The following FGF5 variants were observed in gnomAD, a reference collection of about 807,000 sequenced individuals.
The protein encoded by FGF5 is fibroblast growth factor 5, also known as heparin-binding growth factor 5.
A neutral mutation model predicts 21.8 loss-of-function variants in FGF5; 23 were observed. The ratio of observed to expected loss-of-function variants is 1.05; its 90% confidence interval spans 0.76 to 1.49. The LOEUF (loss-of-function observed/expected upper bound fraction) is 1.49. FGF5 is among the 40% of genes most tolerant of loss of function. The pLI is 0.00. For missense variants in FGF5, 352 were observed against 332.9 expected (o/e 1.06, Z -0.45); for synonymous variants, 158 against 124.0 (o/e 1.27, Z -1.82).
At chr4:80,280,626 T>C (rs1418599683) in intron 2 of FGF5, among the ~76,000 whole-genome samples, 1 of 152,194 alleles carries the variant, frequency 6.6e-6, no homozygotes, top group African/African-American at 2.4e-5. Flanking sequence ...TTTACTTCTC[T>C]GGCTGAAAAA....
At chr4:80,269,873 A>G (rs1265601408) in intron 1 of FGF5, among the ~76,000 whole-genome samples, 2 of 152,146 alleles carry the variant, frequency 1.3e-5, no homozygotes, top group Non-Finnish European at 2.9e-5. Flanking sequence ...AGTGTCTAAT[A>G]CTACTTCATA....
chr4:80,268,418 G>T (rs1006002903), intron 1 of FGF5: 11 of 906,488 alleles, frequency 1.2e-5, no homozygotes, highest in Non-Finnish European at 1.5e-5. Flanking sequence ...GTTGCTCCTA[G>T]ATGTTCCTAA....
At chr4:80,268,146 CTA>C (rs1720151913) in intron 1 of FGF5, 1 of 152,268 alleles carries the variant, frequency 6.6e-6, no homozygotes, top group Admixed American at 6.5e-5. Context: ...TCCACCCCAT[CTA>C]TGTTTCCAGA....
At chr4:80,281,466 T>C (rs1357076605) in intron 2 of FGF5, among the ~76,000 whole-genome samples, 1 of 152,182 alleles carries the variant, frequency 6.6e-6, no homozygotes, top group Non-Finnish European at 1.5e-5. Flanking sequence ...TTTTTTTCCC[T>C]TAACTTTATA....
At chr4:80,278,625 G>C (rs1478637456) in intron 2 of FGF5, among the ~76,000 whole-genome samples, 1 of 152,190 alleles carries the variant, frequency 6.6e-6, no homozygotes, top group Non-Finnish European at 1.5e-5. Context: ...GGCCAGAGCA[G>C]ATTCAGGCAG....
intron 1 of FGF5, among the ~76,000 whole-genome samples, chr4:80,274,564 A>G (rs886322830): frequency 1.3e-5 from 2 of 152,116 alleles, no homozygotes; most frequent in Non-Finnish European, 2.9e-5. Flanking sequence ...GAAACAATGG[A>G]GGAGAATTAT....
In FGF5 at chr4:80,289,609, T is replaced by C. The variant is rs1720841074; in HGVS notation, c.*2937T>C. On this transcript the variant is annotated 3_prime_UTR_variant, in exon 3 of 3. Transcript: ENST00000312465. ...TTATCAATTATATTATGTTTAATTA[T>C]TTAAGATTTCTTTATGTGGAACATC... 6.6e-6 allele frequency: 1 copy of C among 152,108 alleles called. No homozygotes were observed. Among genetic ancestry groups the C allele is most frequent in the Admixed American group, 6.6e-5 (1 of 15,262 alleles). 9.4% of individuals were successfully genotyped at this position (152,108 alleles called of 1,614,324 possible).
intron 1 of FGF5, among the ~76,000 whole-genome samples, chr4:80,267,581 T>C (rs1294371625): frequency 6.6e-6 from 1 of 152,182 alleles, no homozygotes; most frequent in Non-Finnish European, 1.5e-5. Context: ...AGGCAGCCCT[T>C]CTCCCTATCC....
intron 2 of FGF5, among the ~76,000 whole-genome samples, chr4:80,278,217 T>C (rs72658365): frequency 0.056 from 8,481 of 152,268 alleles, 327 homozygotes; most frequent in Non-Finnish European, 0.083. Flanking sequence ...GTATTACATA[T>C]ACAAATGAAT....
rs1437136012 is a variant in FGF5 at position 80,286,698 on chromosome 4, C to A, written c.*26C>A. The A allele has an allele frequency of 6.3e-7, 1 of 1,576,410 alleles. No homozygotes were observed. Among genetic ancestry groups the A allele is most frequent in the Non-Finnish European group, 8.7e-7 (1 of 1,149,554 alleles). ...TATTCCTCTTGGCCTTGTGAGAAAC[C>A]ATTCTTTCCCCTCAGGAGTTTCTAT... is the stretch of plus-strand genomic sequence containing the variant. On this transcript the variant is annotated 3_prime_UTR_variant, in exon 3 of 3. Transcript: ENST00000312465.
At chr4:80,273,241 T>A (rs758685390) in intron 1 of FGF5, among the ~76,000 whole-genome samples, 1 of 152,072 alleles carries the variant, frequency 6.6e-6, no homozygotes, top group Non-Finnish European at 1.5e-5. Context: ...GTTTTTCAAT[T>A]TAAAGAAACA....
At position 80,290,698 on chromosome 4, in the gene FGF5, C is replaced by G. The variant is rs1157055152; in HGVS notation, c.*4026C>G. 1 of 152,118 alleles carries G rather than the reference C, an allele frequency of 6.6e-6. No homozygotes were observed. The highest frequency in any genetic ancestry group is 1.9e-4 in the East Asian group (1 of 5,202). The allele number at this position is 152,118 out of a possible 1,614,324, so 9.4% of individuals were successfully genotyped here. A position where few individuals can be genotyped will look rare whatever the true frequency, so the allele number is the denominator to read the frequency against. ...TGCTATCCCTCCCCTCTCCACCCACCCCACAGCAGGCCCCGGTATGTGATG... is the reference window on the plus strand; with the variant it reads ...TGCTATCCCTCCCCTCTCCACCCACGCCACAGCAGGCCCCGGTATGTGATG... On this transcript the variant is annotated 3_prime_UTR_variant, in exon 3 of 3. Coordinates refer to ENST00000312465, the MANE Select transcript of FGF5 (RefSeq NM_004464.4).
chr4:80,290,046 A>T lies in FGF5; in HGVS notation c.*3374A>T, dbSNP rs1272882208. On this transcript the variant is annotated 3_prime_UTR_variant, in exon 3 of 3. Coordinates refer to ENST00000312465, the MANE Select transcript of FGF5 (RefSeq NM_004464.4). ...TTCCATAGAAGGGAGGGAATAAATC[A>T]TGACTTATCCCATTTTCAATAACAA... is the stretch of plus-strand genomic sequence containing the variant. 6.6e-6 allele frequency: 1 copy of T among 152,166 alleles called. No individual in the cohort carries two copies. The highest frequency in any genetic ancestry group is 1.5e-5 in the Non-Finnish European group (1 of 68,018). 9.4% of individuals were successfully genotyped at this position (152,166 alleles called of 1,614,324 possible).
intron 2 of FGF5, among the ~76,000 whole-genome samples, chr4:80,277,634 C>T (rs979295848): frequency 3.3e-5 from 5 of 151,964 alleles, no homozygotes; most frequent in East Asian, 1.9e-4. Flanking sequence ...TTGATTTTTA[C>T]GACTTTACAT....
At chr4:80,279,712 T>C (rs1255455341) in intron 2 of FGF5, among the ~76,000 whole-genome samples, 1 of 152,244 alleles carries the variant, frequency 6.6e-6, no homozygotes, top group Non-Finnish European at 1.5e-5. Context: ...GTGGTTATCA[T>C]GTATTCTTCA....
At position 80,283,545 on chromosome 4, in the gene FGF5, C is replaced by T. The variant is rs34679843; in HGVS notation, c.460-2780C>T. Among the ~76,000 whole-genome samples, 884 of 152,208 alleles carry T rather than the reference C, an allele frequency of 5.8e-3. 9 individuals carry two copies. Among genetic ancestry groups the T allele is most frequent in the African/African-American group, 0.019 (796 of 41,532 alleles). ...GTGTGTGTCTGCACATGCACCTGTG[C>T]ATGAGTGTGTGTGTGCCTGTCATCT... On this transcript the variant is annotated intron_variant, in intron 2 of 2. Coordinates refer to ENST00000312465, the MANE Select transcript of FGF5 (RefSeq NM_004464.4).
intron 2 of FGF5, among the ~76,000 whole-genome samples, chr4:80,276,954 CTT>C (rs965960314): frequency 6.6e-6 from 1 of 152,092 alleles, no homozygotes; most frequent in African/African-American, 2.4e-5. Context: ...AAAATCTTAA[CTT>C]TCAAAATATT....
Position 80,271,321 on chromosome 4 carries a change from CTG to C in FGF5, c.356-3582_356-3581del, listed in dbSNP as rs556312897. Among the ~76,000 whole-genome samples, 96 of 152,180 alleles carry C rather than the reference CTG, an allele frequency of 6.3e-4. 1 individual carries two copies. Among genetic ancestry groups the C allele is most frequent in the Admixed American group, 5.7e-3 (87 of 15,282 alleles). ...CATCATAATGCATAAGTGGAATAGA[CTG>C]TGTGTATAAGCTGAGAGACACCAAG... is the stretch of plus-strand genomic sequence containing the variant. On this transcript the variant is annotated intron_variant, in intron 1 of 2. Coordinates refer to ENST00000312465, the MANE Select transcript of FGF5 (RefSeq NM_004464.4).
Position 80,289,486 on chromosome 4 carries a change from G to A in FGF5, c.*2814G>A, listed in dbSNP as rs1482910773. 1 of 151,858 alleles carries A rather than the reference G, an allele frequency of 6.6e-6. No homozygotes were observed. The highest frequency in any genetic ancestry group is 2.4e-5 in the African/African-American group (1 of 41,316). 9.4% of individuals were successfully genotyped at this position (151,858 alleles called of 1,614,324 possible). A position where few individuals can be genotyped will look rare whatever the true frequency, so the allele number is the denominator to read the frequency against. On this transcript the variant is annotated 3_prime_UTR_variant, in exon 3 of 3. Transcript: ENST00000312465. ...ATATCAAATAAAATTATTTGGTTAT[G>A]GTTATGTTCATCTAAACACAACAAT...
Sources: allele counts gnomAD v4.1 joint callset (sites outside exome capture counted in the v4.1 genomes callset), GRCh38; gene constraint gnomAD v4.1.1; transcripts MANE v1.5; gene names NCBI Gene and HGNC (gene_info 2026-07-23, HGNC 2026-07-21).